The following ARHGDIG variants were observed in gnomAD, a reference collection of about 807,000 sequenced individuals.
ARHGDIG encodes the protein Rho GDP dissociation inhibitor gamma.
Under a neutral mutation model 20.2 loss-of-function variants are expected in ARHGDIG, and 14 were observed. The ratio of observed to expected loss-of-function variants is 0.69; its 90% CI spans 0.46 to 1.08. The LOEUF is 1.08. Among genes scored for constraint, ARHGDIG ranks in the 50% least tolerant of loss-of-function variants. The probability of loss-of-function intolerance (pLI) is 0.00; values close to 1 mark genes in which losing one functional copy is unlikely to be tolerated. For missense variants in ARHGDIG, 311 were observed against 301.8 expected (o/e 1.03, Z -0.23); for synonymous variants, 193 against 138.6 (o/e 1.39, Z -2.76).
chr16:281,960 TG>T (rs752103994), intron 2 of ARHGDIG, 35 bp downstream of exon 2: 3 of 935,406 alleles, frequency 3.2e-6, no homozygotes, highest in African/African-American at 2.4e-5. Context: ...GGGCTGGGTC[TG>T]GGGGGCTGGT....
rs774145624 is a variant in ARHGDIG, at chr16:281,727, C to A, written c.74-19C>A. On this transcript the variant is annotated intron_variant, in intron 1 of 5. Coordinates refer to ENST00000219409, the MANE Select transcript of ARHGDIG (RefSeq NM_001176.4). Reference sequence around the variant, plus strand: ...AGGGTCCGCTAGTGGCTGCTGCTCACGCCCCTCCCCACCCCCAGTCCTCCT... The same window carrying A: ...AGGGTCCGCTAGTGGCTGCTGCTCAAGCCCCTCCCCACCCCCAGTCCTCCT... 8 of 1,554,066 alleles carry A rather than the reference C, an allele frequency of 5.1e-6. No individual in the cohort carries two copies. Among genetic ancestry groups the A allele is most frequent in the Non-Finnish European group, 6.9e-6 (8 of 1,151,144 alleles).
chr16:281,879 G>A lies in ARHGDIG; in HGVS notation c.207G>A (p.Leu69=). Residue 69 remains leucine, a synonymous_variant, in exon 2 of 6, where the codon CTG becomes CTA. Coordinates refer to ENST00000219409, the MANE Select transcript of ARHGDIG (RefSeq NM_001176.4). The part of the protein sequence containing the change: ...IRQLDPDDRS[L]AKYKRVLLGP... The stretch of plus-strand genomic sequence containing the variant: ...AGCTGGACCCGGACGACAGGAGCCT[G>A]GCCAAGTACAAGCGGGTGCTGCTGG... The A allele has an allele frequency of 6.2e-7, 1 of 1,610,284 alleles. No individual in the cohort carries two copies. The highest frequency in any genetic ancestry group is 1.1e-5 in the South Asian group (1 of 91,070).
intron 2 of ARHGDIG, 27 bp downstream of exon 2, chr16:281,952 G>GC: frequency 6.3e-7 from 1 of 1,598,588 alleles, no homozygotes; most frequent in Non-Finnish European, 8.5e-7. Context: ...GGCTTGGAGG[G>GC]CTGGGTCTGG....
chr16:282,197 C>T, intron 3 of ARHGDIG, 89 bp downstream of exon 3: 1 of 1,603,530 alleles, frequency 6.2e-7, no homozygotes, highest in Non-Finnish European at 8.5e-7. Context: ...TGGGCCATCA[C>T]AGTCGCACAC....
At chr16:282,275 C>G (rs751588124) in intron 3 of ARHGDIG, 22 bp from the exon 4 acceptor site, 5 of 1,613,156 alleles carry the variant, frequency 3.1e-6, no homozygotes, top group Admixed American at 3.3e-5. Flanking sequence ...AGTTCCGACC[C>G]TAGCTGAGGT....
chr16:282,433 C>A lies in ARHGDIG; in HGVS notation c.415-34C>A, dbSNP rs1376239529. The A allele has an allele frequency of 5.0e-6, 8 of 1,612,098 alleles. No homozygotes were observed. The South Asian group carries it at 8.8e-5, about 18-fold the overall frequency. ...GTGGGGGCAACAGCCAGAGGCCTGG[C>A]CCCCAGAGGAACCCCTAATGCCTCT... On this transcript the variant is annotated intron_variant, in intron 4 of 5. Coordinates refer to ENST00000219409, the MANE Select transcript of ARHGDIG (RefSeq NM_001176.4).
At position 280,593 on chromosome 16, in the gene ARHGDIG, T is replaced by G; in HGVS notation, c.-88T>G. The G allele has an allele frequency of 1.7e-6, 1 of 605,302 alleles. No individual in the cohort carries two copies. Among genetic ancestry groups the G allele is most frequent in the Non-Finnish European group, 2.1e-6 (1 of 485,652 alleles). 37.5% of individuals were successfully genotyped at this position (605,302 alleles called of 1,614,324 possible). On this transcript the variant is annotated 5_prime_UTR_variant, in exon 1 of 6. Transcript: ENST00000219409. This position sits in a 1 kb window ranked among gnomAD's most constrained non-coding sequence, Gnocchi z 6.6. ...CCCGGCCGGGATGAGCTCACCGCAG[T>G]CGCGCCGGGGCTGAGCGCCGAGCGG...
At chr16:282,243 AGCAGGTCTCAGCCT>A in intron 3 of ARHGDIG, 40 bp from the exon 4 acceptor site, 2 of 1,610,326 alleles carry the variant, frequency 1.2e-6, no homozygotes, top group South Asian at 2.2e-5. Context: ...GGGCTCCTGG[AGCAGGTCTCAGCCT>A]GTAGGGGAGT....
chr16:282,350 T>A lies in ARHGDIG; in HGVS notation c.391T>A (p.Tyr131Asn). 6.2e-7 allele frequency: 1 copy of A among 1,612,308 alleles called. No homozygotes were observed. Among genetic ancestry groups the A allele is most frequent in the South Asian group, 1.1e-5 (1 of 91,050 alleles). ...QVFVLKEGVD[Y>N]RVKISFKVHR... ...GTTTGTCCTGAAGGAAGGTGTTGAT[T>A]ACAGAGTGAAGATCTCCTTCAAGGT... Residue 131 changes from tyrosine (Y) to asparagine (N), a missense_variant, in exon 4 of 6, where the codon TAC becomes AAC. Coordinates refer to ENST00000219409, the MANE Select transcript of ARHGDIG (RefSeq NM_001176.4).
rs1380099332 is a variant in ARHGDIG at position 281,762 on chromosome 16, G to A, written c.90G>A (p.Lys30=). 6.3e-6 allele frequency: 10 copies of A among 1,598,364 alleles called. No homozygotes were observed. In the Admixed American group the frequency reaches 1.4e-4, roughly 22 times the overall value. Residue 30 remains lysine, a synonymous_variant, in exon 2 of 6, where the codon AAG becomes AAA. Coordinates refer to ENST00000219409, the MANE Select transcript of ARHGDIG (RefSeq NM_001176.4). ...ALCARVLLAD[K]EGGPPAVDEV... Reference sequence around the variant, plus strand: ...CACCCCCAGTCCTCCTGGCTGACAAGGAGGGTGGGCCGCCGGCAGTGGACG... The same window carrying A: ...CACCCCCAGTCCTCCTGGCTGACAAAGAGGGTGGGCCGCCGGCAGTGGACG...
At position 282,070 on chromosome 16, in the gene ARHGDIG, C is replaced by G; in HGVS notation, c.299C>G (p.Ser100Trp). 6.2e-7 allele frequency: 1 copy of G among 1,612,838 alleles called. No individual in the cohort carries two copies. Among genetic ancestry groups the G allele is most frequent in the Non-Finnish European group, 8.5e-7 (1 of 1,179,944 alleles). ...NVQVTRLTLL[S>W]EQAPGPVVMD... ...CAGGTGACCAGGCTGACACTCCTGT[C>G]GGAACAGGCTCCGGGGCCCGTCGTC... Residue 100 changes from serine (S) to tryptophan (W), a missense_variant, in exon 3 of 6, where the codon TCG becomes TGG. By Grantham distance (177) the Ser-to-Trp change is radical. Transcript: ENST00000219409.
Position 282,939 on chromosome 16 carries a change from C to A in ARHGDIG, c.*125C>A. 9.6e-7 allele frequency: 1 copy of A among 1,046,626 alleles called. No individual in the cohort carries two copies. Among genetic ancestry groups the A allele is most frequent in the Non-Finnish European group, 1.3e-6 (1 of 788,982 alleles). The allele number at this position is 1,046,626 out of a possible 1,614,324, so 64.8% of individuals were successfully genotyped here. A position where few individuals can be genotyped will look rare whatever the true frequency, so the allele number is the denominator to read the frequency against. ...CCCTGCTGCCCCTGCTGCCCCTGCT[C>A]TGTCCCGGGACCCCCTGGCCTGGCG... On this transcript the variant is annotated 3_prime_UTR_variant, in exon 6 of 6. Transcript: ENST00000219409.
In ARHGDIG at chr16:282,457, C is replaced by G. The variant is rs751629355; in HGVS notation, c.415-10C>G. ...GCCCCCAGAGGAACCCCTAATGCCT[C>G]TGTTCCCAGGTCCACAGGGAGATTG... On this transcript the variant is annotated splice_polypyrimidine_tract_variant and intron_variant, in intron 4 of 5. Coordinates refer to ENST00000219409, the MANE Select transcript of ARHGDIG (RefSeq NM_001176.4). 2 of 1,610,606 alleles carry G rather than the reference C, an allele frequency of 1.2e-6. No homozygotes were observed. Among genetic ancestry groups the G allele is most frequent in the Non-Finnish European group, 1.7e-6 (2 of 1,179,670 alleles).
Position 282,848 on chromosome 16 carries a change from T to A in ARHGDIG, c.*34T>A. 1 of 1,545,360 alleles carries A rather than the reference T, an allele frequency of 6.5e-7. No homozygotes were observed. The highest frequency in any genetic ancestry group is 8.7e-7 in the Non-Finnish European group (1 of 1,150,628). ...TCCGTGTCTCCCCTACCTCCCTCAG[T>A]TGTTGCACAGGGACCCCCAAGCATC... On this transcript the variant is annotated 3_prime_UTR_variant, in exon 6 of 6. Coordinates refer to ENST00000219409, the MANE Select transcript of ARHGDIG (RefSeq NM_001176.4).
chr16:282,454 C>T lies in ARHGDIG; in HGVS notation c.415-13C>T, dbSNP rs1567248130. 6.2e-7 allele frequency: 1 copy of T among 1,611,988 alleles called. No individual in the cohort carries two copies. Among genetic ancestry groups the T allele is most frequent in the Non-Finnish European group, 8.5e-7 (1 of 1,179,872 alleles). On this transcript the variant is annotated splice_polypyrimidine_tract_variant and intron_variant, in intron 4 of 5. Coordinates refer to ENST00000219409, the MANE Select transcript of ARHGDIG (RefSeq NM_001176.4). The stretch of plus-strand genomic sequence containing the variant: ...CTGGCCCCCAGAGGAACCCCTAATG[C>T]CTCTGTTCCCAGGTCCACAGGGAGA...
In ARHGDIG at chr16:280,814, C is replaced by T. The variant is rs1314846993; in HGVS notation, c.73+61C>T. The T allele has an allele frequency of 6.0e-5, 70 of 1,158,746 alleles. No individual in the cohort carries two copies. The highest frequency in any genetic ancestry group is 7.5e-5 in the Non-Finnish European group (69 of 921,930). 71.8% of individuals were successfully genotyped at this position (1,158,746 alleles called of 1,614,324 possible). On this transcript the variant is annotated intron_variant, in intron 1 of 5. Coordinates refer to ENST00000219409, the MANE Select transcript of ARHGDIG (RefSeq NM_001176.4). This position sits in a 1 kb window ranked among gnomAD's most constrained non-coding sequence, Gnocchi z 6.6. ...GTCTCAGCCCCGGGCGGGGAGTAGC[C>T]CCTCCCCCGCGGCAACTTTGGGGGC... is the stretch of plus-strand genomic sequence containing the variant.
Position 282,824 on chromosome 16 carries a change from C to T in ARHGDIG, c.*10C>T, listed in dbSNP as rs769126780. On this transcript the variant is annotated 3_prime_UTR_variant, in exon 6 of 6. Transcript: ENST00000219409. Reference sequence around the variant, plus strand: ...GGACTGGAAGGACTGAACCCCCAGTCCGTGTCTCCCCTACCTCCCTCAGTT... The same window carrying T: ...GGACTGGAAGGACTGAACCCCCAGTTCGTGTCTCCCCTACCTCCCTCAGTT... 5 of 1,581,356 alleles carry T rather than the reference C, an allele frequency of 3.2e-6. No individual in the cohort carries two copies. The highest frequency in any genetic ancestry group is 2.3e-5 in the East Asian group (1 of 43,758).
At position 282,115 on chromosome 16, in the gene ARHGDIG, C is replaced by A; in HGVS notation, c.337+7C>A. 1 of 1,612,834 alleles carries A rather than the reference C, an allele frequency of 6.2e-7. No homozygotes were observed. Among genetic ancestry groups the A allele is most frequent in the South Asian group, 1.1e-5 (1 of 91,076 alleles). ...GTCGTCATGGATCTCACAGGTAACT[C>A]GCAGGATGCTGCACCCTGAACACAG... On this transcript the variant is annotated splice_region_variant and intron_variant, in intron 3 of 5. Coordinates refer to ENST00000219409, the MANE Select transcript of ARHGDIG (RefSeq NM_001176.4).
At position 280,733 on chromosome 16, in the gene ARHGDIG, G is replaced by C; in HGVS notation, c.53G>C (p.Arg18Pro). ...GGGGCGCAGCTGCTGGAGCTGCTCCGGCTGGCGCTGTGCGCCCGAGGTGAG... is the reference window on the plus strand; with the variant it reads ...GGGGCGCAGCTGCTGGAGCTGCTCCCGCTGGCGCTGTGCGCCCGAGGTGAG... ...ELGAQLLELL[R>P]LALCARVLLA... The change falls in exon 1 of 6, where the codon CGG (arginine) becomes CCG (proline). Residue 18 changes from arginine (R) to proline (P), a missense_variant. Physicochemically the swap from Arg to Pro is moderately radical, Grantham distance 103 (BLOSUM62 -2). Transcript: ENST00000219409. The surrounding 1 kb of genome is among the most constrained non-coding windows in gnomAD (Gnocchi z 6.6). 3.1e-6 allele frequency: 4 copies of C among 1,295,582 alleles called. No homozygotes were observed. Among genetic ancestry groups the C allele is most frequent in the Non-Finnish European group, 2.9e-6 (3 of 1,017,540 alleles). 80.3% of individuals were successfully genotyped at this position (1,295,582 alleles called of 1,614,324 possible).
Sources: gnomAD v4.1 joint callset for allele counts on GRCh38, gnomAD v4.1.1 for gene constraint, Gnocchi (gnomAD v3.1) non-coding constraint, MANE v1.5 for transcripts, NCBI Gene and HGNC (gene_info 2026-07-23, HGNC 2026-07-21) for gene names.